The following GMPS variants were observed in gnomAD, a reference collection of about 807,000 sequenced individuals.
GMPS encodes guanosine monophosphate synthase.
In GMPS, 15 loss-of-function variants were observed where a neutral mutation model predicts 77.9. The observed-to-expected ratio is 0.19, with a 90% confidence interval of 0.13 to 0.30. GMPS has a LOEUF of 0.30. Among genes scored for constraint, GMPS ranks in the 10% least tolerant of loss-of-function variants. The pLI, the probability that GMPS is intolerant of heterozygous loss-of-function variation, is 1.00. For synonymous variants in GMPS, 224 were observed against 275.9 expected, an observed-to-expected ratio of 0.81 and a Z score of 1.86; for missense variants, 590 against 838.8, an observed-to-expected ratio of 0.70 and a Z score of 3.66.
rs1345881975 is a variant in GMPS at position 155,875,890 on chromosome 3, TAA to T, written c.27+4994_27+4995del. On this transcript the variant is annotated intron_variant, in intron 1 of 15. Transcript: ENST00000496455. ...TTGAGGACCTAGGAGATTATATAGT[TAA>T]GTCTATACACTCATTAAGATTGTTA... is the stretch of plus-strand genomic sequence containing the variant. 2.0e-5 allele frequency among the ~76,000 whole-genome samples: 3 copies of T among 152,260 alleles called. No homozygotes were observed. In the East Asian group the frequency reaches 5.8e-4, roughly 29 times the overall value.
upstream of GMPS, among the ~76,000 whole-genome samples, chr3:155,870,278 G>A (rs922647892): frequency 5.9e-5 from 9 of 152,360 alleles, no homozygotes; most frequent in Non-Finnish European, 1.0e-4. Flanking sequence ...CTTCGGTGCC[G>A]CCAGCCTCCC....
At position 155,937,772 on chromosome 3, in the gene GMPS, T is replaced by A. The variant is rs1018540810; in HGVS notation, c.*80T>A. ...TTCCCATTATTGACATGCAGTACTG[T>A]GAAAAGAGTTACTGGAGCAGCTACA... On this transcript the variant is annotated 3_prime_UTR_variant, in exon 16 of 16. Transcript: ENST00000496455. The A allele has an allele frequency of 1.7e-5, 12 of 717,870 alleles. No individual in the cohort carries two copies. Among genetic ancestry groups the A allele is most frequent in the South Asian group, 5.0e-5 (3 of 59,422 alleles). 44.5% of individuals were successfully genotyped at this position (717,870 alleles called of 1,614,324 possible).
Position 155,938,064 on chromosome 3 carries a change from C to T in GMPS, c.*372C>T, listed in dbSNP as rs370744408. On this transcript the variant is annotated 3_prime_UTR_variant, in exon 16 of 16. Coordinates refer to ENST00000496455, the MANE Select transcript of GMPS (RefSeq NM_003875.3). ...ACCAGTTTCTAAGAACTGTTAGAAA[C>T]GCCCATTATTTACCAGTGTTACTTA... 4.5e-5 allele frequency: 11 copies of T among 242,690 alleles called. No individual in the cohort carries two copies. Among genetic ancestry groups the T allele is most frequent in the African/African-American group, 8.8e-5 (4 of 45,480 alleles). The allele number at this position is 242,690 out of a possible 1,614,324, so 15.0% of individuals were successfully genotyped here.
At chr3:155,935,560 G>A (rs1007894516) in intron 14 of GMPS, among the ~76,000 whole-genome samples, 4 of 152,200 alleles carry the variant, frequency 2.6e-5, no homozygotes, top group African/African-American at 9.7e-5. Context: ...GACATGCACA[G>A]AGCAGCAGAA....
rs1246631813 is a variant in GMPS at position 155,936,442 on chromosome 3, C to T, written c.1912C>T (p.Arg638Ter). Residue 638 changes from arginine (R) to a stop codon, truncating the protein, a stop_gained, in exon 15 of 16, where the codon CGA (arginine) becomes TGA (stop). Coordinates refer to ENST00000496455, the MANE Select transcript of GMPS (RefSeq NM_003875.3). LOFTEE classifies it high-confidence loss of function. ...TTCATGCCAGAGATCTGTGGTTATT[C>T]GAACCTTTATTACTAGTGACTTCAT... ...QPSCQRSVVI[R>*]TFITSDFMTG... 1 of 1,606,350 alleles carries T rather than the reference C, an allele frequency of 6.2e-7. No homozygotes were observed. Among genetic ancestry groups the T allele is most frequent in the Non-Finnish European group, 8.5e-7 (1 of 1,173,058 alleles).
At chr3:155,869,638 C>T (rs1753855544), upstream of GMPS, among the ~76,000 whole-genome samples, 1 of 152,294 alleles carries the variant, frequency 6.6e-6, no homozygotes, top group South Asian at 2.1e-4. Flanking sequence ...CACTAAGCCT[C>T]AATTTCCTCA....
At chr3:155,936,590 CAGTG>C in intron 15 of GMPS, 80 bp downstream of exon 15, 1 of 797,372 alleles carries the variant, frequency 1.3e-6, no homozygotes, top group South Asian at 1.7e-5. Context: ...TAGGCTATGC[CAGTG>C]CTGTATTTCT....
At chr3:155,904,294 C>CT (rs200187226) in intron 4 of GMPS, among the ~76,000 whole-genome samples, 7,959 of 145,186 alleles carry the variant, frequency 0.055, 311 homozygotes, top group East Asian at 0.18. Context: ...TTTTCTTTTT[C>CT]TTTTTTTTTT....
intron 1 of GMPS, among the ~76,000 whole-genome samples, chr3:155,890,790 C>G (rs1754445697): frequency 6.6e-6 from 1 of 152,214 alleles, no homozygotes; most frequent in African/African-American, 2.4e-5. Flanking sequence ...TAGAGGCTCT[C>G]AAACCCTGTC....
intron 13 of GMPS, among the ~76,000 whole-genome samples, chr3:155,932,277 A>AACAC (rs10548751): frequency 0.044 from 6,183 of 141,170 alleles, 182 homozygotes; most frequent in South Asian, 0.11. Flanking sequence ...CAAATAAAGT[A>AACAC]ACACACACAC....
rs2108131604 is a variant in GMPS, at chr3:155,925,370, A to G, written c.1560+4A>G. The G allele has an allele frequency of 1.9e-6, 3 of 1,587,928 alleles. 1 individual carries two copies. Among genetic ancestry groups the G allele is most frequent in the Non-Finnish European group, 1.7e-6 (2 of 1,166,780 alleles). On this transcript the variant is annotated splice_donor_region_variant and intron_variant, in intron 12 of 15. Transcript: ENST00000496455. Reference sequence around the variant, plus strand: ...AATTAAAACTGTAGGTGTGCAGGTGAGTTGTGTGAATTCATTCACCAGTGA... The same window carrying G: ...AATTAAAACTGTAGGTGTGCAGGTGGGTTGTGTGAATTCATTCACCAGTGA...
chr3:155,882,887 A>G (rs1188947197), intron 1 of GMPS, among the ~76,000 whole-genome samples: 1 of 152,168 alleles, frequency 6.6e-6, no homozygotes, highest in African/African-American at 2.4e-5. Context: ...TTTTGTAAAT[A>G]GTTTTTTCAG....
intron 9 of GMPS, among the ~76,000 whole-genome samples, chr3:155,917,614 C>CTCAT (rs78507117): frequency 0.054 from 8,258 of 152,114 alleles, 309 homozygotes; most frequent in East Asian, 0.18. Flanking sequence ...GGCACAGTGG[C>CTCAT]TCATGCCTAG....
At chr3:155,879,559 G>A (rs776599986) in intron 1 of GMPS, among the ~76,000 whole-genome samples, 3 of 151,972 alleles carry the variant, frequency 2.0e-5, no homozygotes, top group Non-Finnish European at 4.4e-5. Flanking sequence ...GAGCTACCAC[G>A]CCTGACCCAC....
intron 2 of GMPS, among the ~76,000 whole-genome samples, chr3:155,896,224 T>C (rs927047029): frequency 6.6e-6 from 1 of 152,090 alleles, no homozygotes; most frequent in Admixed American, 6.5e-5. Context: ...TTAGCCAGGA[T>C]GGTCTCGATC....
At chr3:155,936,230 CTG>C in intron 14 of GMPS, 106 bp from the exon 15 acceptor site, 1 of 700,070 alleles carries the variant, frequency 1.4e-6, no homozygotes. Flanking sequence ...CTTAACTACG[CTG>C]TGTGTGTATA....
chr3:155,901,457 A>C (rs1285902943), intron 3 of GMPS, among the ~76,000 whole-genome samples: 1 of 152,058 alleles, frequency 6.6e-6, no homozygotes, highest in African/African-American at 2.4e-5. Context: ...ATTGCCATGA[A>C]TATTTTTTTA....
intron 1 of GMPS, among the ~76,000 whole-genome samples, chr3:155,872,011 C>T (rs1753917666): frequency 6.6e-6 from 1 of 152,190 alleles, no homozygotes; most frequent in Non-Finnish European, 1.5e-5. Flanking sequence ...CATTAAGATA[C>T]ACCTCCTCTG....
rs1021013741 is a variant in GMPS at position 155,943,667 on chromosome 3, G to A, written c.*5975G>A. ...AACAATGTTGCCATAAAATAGCTTTGCTAAATGTGAAATGACTTTAATCCC... is the reference window on the plus strand; with the variant it reads ...AACAATGTTGCCATAAAATAGCTTTACTAAATGTGAAATGACTTTAATCCC... On this transcript the variant is annotated 3_prime_UTR_variant, in exon 16 of 16. Transcript: ENST00000496455. 2 of 175,162 alleles carry A rather than the reference G, an allele frequency of 1.1e-5. No individual in the cohort carries two copies. The highest frequency in any genetic ancestry group is 4.7e-5 in the African/African-American group (2 of 42,160). The allele number at this position is 175,162 out of a possible 1,614,324, so 10.9% of individuals were successfully genotyped here.
Sources: gnomAD v4.1 joint callset for allele counts (sites outside exome capture counted in the v4.1 genomes callset) on GRCh38, gnomAD v4.1.1 for gene constraint, MANE v1.5 for transcripts, NCBI Gene and HGNC (gene_info 2026-07-23, HGNC 2026-07-21) for gene names.